Variants in DYNC2H1 observed in about 807,000 individuals in gnomAD.
DYNC2H1 encodes dynein cytoplasmic 2 heavy chain 1.
Under a neutral mutation model 570.0 loss-of-function variants are expected in DYNC2H1, and 410 were observed. The observed-to-expected ratio is 0.72, with a 90% confidence interval of 0.66 to 0.78. The LOEUF (loss-of-function observed/expected upper bound fraction) is 0.78, where lower values mean the gene tolerates loss of function less well. Ranked by LOEUF, DYNC2H1 falls within the 30% of genes least tolerant of loss-of-function variation. The probability of loss-of-function intolerance (pLI) is 0.00; values close to 1 mark genes in which losing one functional copy is unlikely to be tolerated. For missense variants in DYNC2H1, 4,865 were observed against 5,046.4 expected (o/e 0.96, Z 1.09); for synonymous variants, 1,688 against 1,677.6 (o/e 1.01, Z -0.15).
At chr11:103,176,577 CA>C (rs1861825415) in intron 37 of DYNC2H1, 143 bp downstream of exon 37, 1 of 592,696 alleles carries the variant, frequency 1.7e-6, no homozygotes, top group Non-Finnish European at 2.6e-6. Flanking sequence ...CCCAGATCTT[CA>C]AGTCCTGATT....
At position 103,264,113 on chromosome 11, in the gene DYNC2H1, G is replaced by A. The variant is rs987854623; in HGVS notation, c.10695+4136G>A. The stretch of plus-strand genomic sequence containing the variant: ...TAAACTAGAAAATCTAGAAGAAATG[G>A]ATAAATTCCTGGACACATACACCCT... On this transcript the variant is annotated intron_variant, in intron 70 of 88. Transcript: ENST00000375735. The surrounding 1 kb of genome is among the most constrained non-coding windows in gnomAD (Gnocchi z 4.8). Among the ~76,000 whole-genome samples the A allele has an allele frequency of 3.3e-5, 5 of 152,104 alleles. No individual in the cohort carries two copies. Among genetic ancestry groups the A allele is most frequent in the Admixed American group, 1.3e-4 (2 of 15,270 alleles).
In DYNC2H1 at chr11:103,184,901, C is replaced by T; in HGVS notation, c.6483C>T (p.Asp2161=). The change falls in exon 41 of 89, where the codon GAC becomes GAT. Residue 2161 remains aspartate, a synonymous_variant. Transcript: ENST00000375735. ...KALQWVLKQN[D]YVVETSLVGT... is the part of the protein sequence containing the mutation. ...TCACGGATTTTAATCAACAGAATGA[C>T]TATGTGGTAGAAACAAGTTTGGTTG... 1 of 1,609,996 alleles carries T rather than the reference C, an allele frequency of 6.2e-7. No homozygotes were observed. The highest frequency in any genetic ancestry group is 8.5e-7 in the Non-Finnish European group (1 of 1,177,268).
At chr11:103,220,804 A>T in intron 57 of DYNC2H1, 21 bp downstream of exon 57, 1 of 1,591,230 alleles carries the variant, frequency 6.3e-7, no homozygotes, top group Non-Finnish European at 8.6e-7. Context: ...CAATTTGTGA[A>T]AAATATTATT....
In DYNC2H1 at chr11:103,449,067, A is replaced by C. The variant is rs116119504; in HGVS notation, c.12457-6119A>C. ...TGGCATGTGAACAGAGACCTAAAGGAGGTAAGGGAATAGCCTATACAGGTA... is the reference window on the plus strand; with the variant it reads ...TGGCATGTGAACAGAGACCTAAAGGCGGTAAGGGAATAGCCTATACAGGTA... On this transcript the variant is annotated intron_variant, in intron 85 of 88. Transcript: ENST00000375735. Among the ~76,000 whole-genome samples the C allele has an allele frequency of 6.6e-3, 999 of 152,304 alleles. 7 individuals are homozygous for C. The highest frequency in any genetic ancestry group is 0.023 in the African/African-American group (942 of 41,558).
chr11:103,194,741 G>A (rs535253238), intron 47 of DYNC2H1, among the ~76,000 whole-genome samples: 18 of 151,634 alleles, frequency 1.2e-4, no homozygotes, highest in African/African-American at 4.1e-4. Flanking sequence ...AATTTGAGAC[G>A]GAGTCTCACT....
Position 103,156,562 on chromosome 11 carries a change from T to C in DYNC2H1, c.3919T>C (p.Cys1307Arg). The C allele has an allele frequency of 6.2e-7, 1 of 1,613,790 alleles. No individual in the cohort carries two copies. The highest frequency in any genetic ancestry group is 8.5e-7 in the Non-Finnish European group (1 of 1,179,750). ...DIVNQVGDNR[C>R]LLQSLKDSPY... is the part of the protein sequence containing the mutation. ...AGTAAATCAGGTTGGAGATAATAGA[T>C]GCCTTCTCCAATCCTTAAAGGATTC... is the stretch of plus-strand genomic sequence containing the variant. The change falls in exon 26 of 89, where the codon TGC becomes CGC. Residue 1307 changes from cysteine to arginine, a missense_variant. Cys to Arg is a radical substitution (Grantham distance 180). Coordinates refer to ENST00000375735, the MANE Select transcript of DYNC2H1 (RefSeq NM_001377.3).
At chr11:103,269,469 T>C (rs577931659) in intron 70 of DYNC2H1, among the ~76,000 whole-genome samples, 6 of 152,326 alleles carry the variant, frequency 3.9e-5, no homozygotes, top group Admixed American at 3.9e-4. Context: ...CTTGTGTTGG[T>C]GACAGCAGTA....
chr11:103,332,103 A>T (rs1052120649), intron 82 of DYNC2H1, among the ~76,000 whole-genome samples: 3 of 152,058 alleles, frequency 2.0e-5, no homozygotes, highest in African/African-American at 4.8e-5. Flanking sequence ...AAAGCATAAT[A>T]TGCAAGATTA....
chr11:103,210,132 A>G (rs1169176295), intron 53 of DYNC2H1, among the ~76,000 whole-genome samples, 172 bp downstream of exon 53: 1 of 151,966 alleles, frequency 6.6e-6, no homozygotes, highest in African/African-American at 2.4e-5. Context: ...TTTATTTTTA[A>G]ATTAATGGTA....
chr11:103,236,657 A>G, intron 63 of DYNC2H1, 118 bp downstream of exon 63: 1 of 535,974 alleles, frequency 1.9e-6, no homozygotes, highest in Non-Finnish European at 3.2e-6. Flanking sequence ...TAAAATAAAA[A>G]TATTTTGCTA....
intron 47 of DYNC2H1, among the ~76,000 whole-genome samples, chr11:103,193,270 C>T (rs1332775223): frequency 6.6e-6 from 1 of 152,090 alleles, no homozygotes; most frequent in African/African-American, 2.4e-5. Flanking sequence ...GTCATTATGA[C>T]CTGTAGCTTG....
intron 57 of DYNC2H1, among the ~76,000 whole-genome samples, chr11:103,221,313 T>C (rs1307118911): frequency 1.3e-5 from 2 of 152,178 alleles, no homozygotes; most frequent in East Asian, 3.9e-4. Context: ...ATTAAGTTCC[T>C]TGTCAGTATT....
chr11:103,406,966 C>T (rs12422035), intron 84 of DYNC2H1: 2 of 151,618 alleles, frequency 1.3e-5, no homozygotes, highest in African/African-American at 4.8e-5. Context: ...GGATGAAAAT[C>T]GATTAATAGT....
At chr11:103,457,445 G>A (rs1011835630) in intron 87 of DYNC2H1, among the ~76,000 whole-genome samples, 2 of 152,064 alleles carry the variant, frequency 1.3e-5, no homozygotes, top group Non-Finnish European at 2.9e-5. Flanking sequence ...GAAGGTGGAA[G>A]ACTGATAATA....
At position 103,449,555 on chromosome 11, in the gene DYNC2H1, C is replaced by G. The variant is rs531960402; in HGVS notation, c.12457-5631C>G. ...AGGTCAAGAATTGTCTTACACTCAA[C>G]CACGTAATCAATAAGCCAAGAGTGT... On this transcript the variant is annotated intron_variant, in intron 85 of 88. Coordinates refer to ENST00000375735, the MANE Select transcript of DYNC2H1 (RefSeq NM_001377.3). Among the ~76,000 whole-genome samples, 16 of 152,282 alleles carry G rather than the reference C, an allele frequency of 1.1e-4. No homozygotes were observed. In the South Asian group the frequency reaches 3.1e-3, roughly 30 times the overall value.
intron 78 of DYNC2H1, among the ~76,000 whole-genome samples, chr11:103,310,542 A>G (rs1398592226): frequency 1.3e-5 from 2 of 151,802 alleles, no homozygotes; most frequent in African/African-American, 4.8e-5. Context: ...TATTAATGTC[A>G]TGTTTTATTG....
rs1326501282 is a variant in DYNC2H1, at chr11:103,257,756, GCTGTTGGATACC to G, written c.10605+10_10605+21del. 2 of 1,580,202 alleles carry G rather than the reference GCTGTTGGATACC, an allele frequency of 1.3e-6. No individual in the cohort carries two copies. Among genetic ancestry groups the G allele is most frequent in the African/African-American group, 2.7e-5 (2 of 74,376 alleles). Reference sequence around the variant, plus strand: ...CGAGCTCTACAAAACAAACAGGTAAGCTGTTGGATACCCTGTACCAGAGACTGAATTACAGGG... The same window carrying G: ...CGAGCTCTACAAAACAAACAGGTAAGCTGTACCAGAGACTGAATTACAGGG... On this transcript the variant is annotated splice_donor_region_variant and intron_variant, in intron 69 of 88. Transcript: ENST00000375735.
At position 103,239,869 on chromosome 11, in the gene DYNC2H1, T is replaced by A. The variant is rs1353996243; in HGVS notation, c.9819+3330T>A. Among the ~76,000 whole-genome samples, 1 of 152,180 alleles carries A rather than the reference T, an allele frequency of 6.6e-6. No individual in the cohort carries two copies. The highest frequency in any genetic ancestry group is 2.4e-5 in the African/African-American group (1 of 41,442). ...AAAAATATCCTTTGACCAATCTTTTTTTCCCCCAAGGAGAGAAGAATTTAA... is the reference window on the plus strand; with the variant it reads ...AAAAATATCCTTTGACCAATCTTTTATTCCCCCAAGGAGAGAAGAATTTAA... On this transcript the variant is annotated intron_variant, in intron 63 of 88. Coordinates refer to ENST00000375735, the MANE Select transcript of DYNC2H1 (RefSeq NM_001377.3). The surrounding 1 kb of genome is among the most constrained non-coding windows in gnomAD (Gnocchi z 4.3).
At chr11:103,430,489 C>T (rs747329805) in intron 84 of DYNC2H1, among the ~76,000 whole-genome samples, 3 of 151,974 alleles carry the variant, frequency 2.0e-5, no homozygotes, top group Non-Finnish European at 4.4e-5. Context: ...ATTTTTAACT[C>T]ACCTCCCTGA....
Sources: gnomAD v4.1 joint callset for allele counts (sites outside exome capture counted in the v4.1 genomes callset) on GRCh38, gnomAD v4.1.1 for gene constraint, Gnocchi (gnomAD v3.1) non-coding constraint, MANE v1.5 for transcripts, NCBI Gene and HGNC (gene_info 2026-07-23, HGNC 2026-07-21) for gene names.